Variants in CCDC179 observed in about 807,000 individuals in gnomAD.
The protein encoded by CCDC179 is coiled-coil domain-containing protein 179.
In CCDC179, 17 loss-of-function variants were observed where a neutral mutation model predicts 12.0. That is an observed-to-expected ratio of 1.42 (90% CI 0.97 to 2.13). The LOEUF (loss-of-function observed/expected upper bound fraction) is 2.13, where lower values mean the gene tolerates loss of function less well. Among genes scored for constraint, CCDC179 ranks in the 30% most tolerant of loss-of-function variants. CCDC179 has a pLI of 0.00. For missense variants in CCDC179, 83 were observed against 78.6 expected, an observed-to-expected ratio of 1.06 and a Z score of -0.21; for synonymous variants, 27 against 26.4, an observed-to-expected ratio of 1.02 and a Z score of -0.07.
At chr11:22,850,976 A>ATATATATATTTTT in intron 3 of CCDC179, among the ~76,000 whole-genome samples, 1 of 6,118 alleles carries the variant, frequency 1.6e-4, no homozygotes, top group African/African-American at 3.1e-4. Flanking sequence ...ATATATATAT[A>ATATATATATTTTT]TTTTTTTTTT....
chr11:22,847,650 A>C, intron 3 of CCDC179, 129 bp from the exon 4 acceptor site: 2 of 433,158 alleles, frequency 4.6e-6, no homozygotes, highest in Non-Finnish European at 3.9e-6. Context: ...AAGTATTATA[A>C]AAAATAATCA....
chr11:22,853,251 A>G (rs892304394), intron 3 of CCDC179, among the ~76,000 whole-genome samples: 1 of 152,224 alleles, frequency 6.6e-6, no homozygotes, highest in Non-Finnish European at 1.5e-5. Flanking sequence ...GGCAGAAACA[A>G]TCTGAAGTGA....
chr11:22,854,606 A>G (rs1196439895), intron 3 of CCDC179, among the ~76,000 whole-genome samples: 2 of 151,846 alleles, frequency 1.3e-5, no homozygotes, highest in Non-Finnish European at 3.0e-5. Context: ...AGGAGAGAAT[A>G]TTAAATAATA....
Position 22,858,005 on chromosome 11 carries a change from T to C in CCDC179, c.112A>G (p.Asn38Asp). Residue 38 changes from asparagine to aspartate, a missense_variant, in exon 3 of 4, where the codon AAT (asparagine) becomes GAT (aspartate). Coordinates refer to ENST00000532798, the MANE Select transcript of CCDC179 (RefSeq NM_001195637.2). The part of the protein sequence containing the change: ...ERQLANKRIQ[N>D]MQHLKKEKRR... Reference sequence around the variant, plus strand: ...TTCTCTTTCTTTAGGTGTTGCATATTCTGAATACGTTTATTTGCAAGCTTT... The same window carrying C: ...TTCTCTTTCTTTAGGTGTTGCATATCCTGAATACGTTTATTTGCAAGCTTT... 6.6e-7 allele frequency: 1 copy of C among 1,516,198 alleles called. No individual in the cohort carries two copies. Among genetic ancestry groups the C allele is most frequent in the Non-Finnish European group, 8.8e-7 (1 of 1,139,130 alleles). The allele number at this position is 1,516,198 out of a possible 1,614,324, so 93.9% of individuals were successfully genotyped here.
chr11:22,859,372 T>C (rs3213707), intron 2 of CCDC179, 80 bp downstream of exon 2: 1 of 898,102 alleles, frequency 1.1e-6, no homozygotes, highest in Non-Finnish European at 1.6e-6. Flanking sequence ...TTCTATTATG[T>C]TAGGGACCAC....
intron 3 of CCDC179, among the ~76,000 whole-genome samples, chr11:22,853,879 T>C (rs975027108): frequency 2.0e-5 from 3 of 151,970 alleles, no homozygotes; most frequent in Admixed American, 6.6e-5. Context: ...AATGTCTACA[T>C]CTAGACTTAT....
intron 3 of CCDC179, among the ~76,000 whole-genome samples, chr11:22,849,978 C>T (rs1000005473): frequency 6.6e-6 from 1 of 152,030 alleles, no homozygotes; most frequent in Non-Finnish European, 1.5e-5. Flanking sequence ...CTTGAGGAGG[C>T]GTCTGATTTA....
intron 2 of CCDC179, 86 bp downstream of exon 2, chr11:22,859,366 A>G: frequency 2.4e-6 from 2 of 825,940 alleles, no homozygotes; most frequent in South Asian, 5.5e-5. Context: ...TACAAGTTCT[A>G]TTATGTTAGG....
chr11:22,857,707 A>G (rs1858560297), intron 3 of CCDC179, among the ~76,000 whole-genome samples: 1 of 151,806 alleles, frequency 6.6e-6, no homozygotes, highest in Non-Finnish European at 1.5e-5. Context: ...CCTGGTTTCA[A>G]AGATAATCCT....
chr11:22,848,209 G>C (rs7924358), intron 3 of CCDC179, among the ~76,000 whole-genome samples: 140,763 of 152,286 alleles, frequency 0.92, 66,032 homozygotes, highest in East Asian at 1. Context: ...TTTGGGAGGC[G>C]GAGACAGGAG....
chr11:22,853,529 A>G (rs774313697), intron 3 of CCDC179, among the ~76,000 whole-genome samples: 1 of 152,112 alleles, frequency 6.6e-6, no homozygotes, highest in Non-Finnish European at 1.5e-5. Flanking sequence ...AAAACTAATT[A>G]GCTTAAAGAT....
intron 1 of CCDC179, 34 bp from the exon 2 acceptor site, chr11:22,859,530 C>A: frequency 7.6e-7 from 1 of 1,320,268 alleles, no homozygotes; most frequent in East Asian, 2.7e-5. Context: ...CACATTCACA[C>A]AAAAAAGTCA....
intron 2 of CCDC179, among the ~76,000 whole-genome samples, chr11:22,859,036 C>T (rs540806444): frequency 6.6e-6 from 1 of 152,018 alleles, no homozygotes; most frequent in South Asian, 2.1e-4. Flanking sequence ...TATAGAGACA[C>T]CTATGTAACA....
intron 2 of CCDC179, among the ~76,000 whole-genome samples, chr11:22,858,410 G>C (rs549325123): frequency 2.0e-5 from 3 of 152,110 alleles, no homozygotes; most frequent in South Asian, 2.1e-4. Flanking sequence ...TTGAAATGTT[G>C]CATGACACAC....
At chr11:22,850,957 TATATATATA>T (rs1858368678) in intron 3 of CCDC179, among the ~76,000 whole-genome samples, 2 of 10,450 alleles carry the variant, frequency 1.9e-4, no homozygotes, top group Admixed American at 8.5e-4. Context: ...TATATATATA[TATATATATA>T]TATATATATA....
chr11:22,858,752 G>A (rs548883493), intron 2 of CCDC179, among the ~76,000 whole-genome samples: 33 of 151,978 alleles, frequency 2.2e-4, no homozygotes, highest in Non-Finnish European at 4.0e-4. Flanking sequence ...TGTGCATGGG[G>A]CAAGAAGATG....
intron 3 of CCDC179, among the ~76,000 whole-genome samples, chr11:22,854,033 G>T (rs1186114636): frequency 1.3e-5 from 2 of 151,840 alleles, no homozygotes; most frequent in Non-Finnish European, 2.9e-5. Flanking sequence ...AGCAATAAGA[G>T]AATGGAGTAA....
chr11:22,856,584 A>G (rs1169101251), intron 3 of CCDC179, among the ~76,000 whole-genome samples: 1 of 151,572 alleles, frequency 6.6e-6, no homozygotes, highest in Non-Finnish European at 1.5e-5. Flanking sequence ...GATTTTTTTC[A>G]GTTAATATTA....
Position 22,850,969 on chromosome 11 carries a change from TATA to T in CCDC179, c.196-3451_196-3449del, listed in dbSNP as rs1423537478. ...ATATATATATATATATATATATATATATATATATTTTTTTTTTTTTTTTTTTTT... is the reference window on the plus strand; with the variant it reads ...ATATATATATATATATATATATATATTATATTTTTTTTTTTTTTTTTTTTT... On this transcript the variant is annotated intron_variant, in intron 3 of 3. Coordinates refer to ENST00000532798, the MANE Select transcript of CCDC179 (RefSeq NM_001195637.2). Among the ~76,000 whole-genome samples, 183 of 20,762 alleles carry T rather than the reference TATA, an allele frequency of 8.8e-3. 3 individuals carry two copies. Among genetic ancestry groups the T allele is most frequent in the East Asian group, 0.035 (18 of 510 alleles). 13.6% of individuals were successfully genotyped at this position (20,762 alleles called of 152,430 possible).
Sources: gnomAD v4.1 joint callset for allele counts (sites outside exome capture counted in the v4.1 genomes callset) on GRCh38, gnomAD v4.1.1 for gene constraint, MANE v1.5 for transcripts, NCBI Gene and HGNC (gene_info 2026-07-23, HGNC 2026-07-21) for gene names.